Variants in SCGN observed in about 807,000 individuals in gnomAD.
SCGN encodes the protein secretagogin, EF-hand calcium binding protein.
SCGN carries 30 observed loss-of-function variants against 39.7 expected under a neutral mutation model. That is an observed-to-expected ratio of 0.76 (90% CI 0.57 to 1.03). SCGN has a LOEUF of 1.03. SCGN is among the 50% of genes least tolerant of loss of function. The pLI, the probability that SCGN is intolerant of heterozygous loss-of-function variation, is 0.00. For missense variants in SCGN, 353 were observed against 349.4 expected, an observed-to-expected ratio of 1.01 and a Z score of -0.08; for synonymous variants, 106 against 114.1, an observed-to-expected ratio of 0.93 and a Z score of 0.45.
Position 25,684,925 on chromosome 6 carries a change from T to C in SCGN, c.527+2919T>C, listed in dbSNP as rs9461195. Among the ~76,000 whole-genome samples the C allele has an allele frequency of 2.5e-3, 375 of 150,986 alleles. 2 individuals are homozygous for C. The highest frequency in any genetic ancestry group is 8.4e-3 in the African/African-American group (340 of 40,344). ...AGATCTAATTAAGTTTGCTAATCAA[T>C]AGACTTTAAAATAGAGATTATTCTG... On this transcript the variant is annotated intron_variant, in intron 7 of 10. Transcript: ENST00000377961.
At chr6:25,689,368 A>C in intron 8 of SCGN, 105 bp from the exon 9 acceptor site, 1 of 1,205,960 alleles carries the variant, frequency 8.3e-7, no homozygotes, top group Non-Finnish European at 1.2e-6. Flanking sequence ...AGGGATCTTA[A>C]AGGTCATTGA....
At chr6:25,685,688 CA>C (rs1759695745) in intron 7 of SCGN, among the ~76,000 whole-genome samples, 1 of 152,010 alleles carries the variant, frequency 6.6e-6, no homozygotes, top group Admixed American at 6.6e-5. Context: ...AAGAGGCAGA[CA>C]TATTTGCTTT....
intron 7 of SCGN, among the ~76,000 whole-genome samples, chr6:25,688,913 T>C (rs1281529134): frequency 6.6e-6 from 1 of 152,164 alleles, no homozygotes; most frequent in Non-Finnish European, 1.5e-5. Flanking sequence ...TCCAGTTTTA[T>C]GGAGGAGCGA....
rs769675702 is a variant in SCGN at position 25,669,529 on chromosome 6, G to A, written c.355G>A (p.Ala119Thr). The A allele has an allele frequency of 1.9e-6, 3 of 1,613,516 alleles. No homozygotes were observed. Among genetic ancestry groups the A allele is most frequent in the Non-Finnish European group, 1.7e-6 (2 of 1,179,566 alleles). ...EFMQIWRKYDADSSGFISAAE... is the reference protein window; with the variant it reads ...EFMQIWRKYDTDSSGFISAAE... ...ATTTCAGATTTGGCGCAAATATGAC[G>A]CTGACAGCAGTGGCTTTATATCAGC... is the stretch of plus-strand genomic sequence containing the variant. The change falls in exon 5 of 11, where the codon GCT becomes ACT. Residue 119 changes from alanine (A) to threonine (T), a missense_variant. Coordinates refer to ENST00000377961, the MANE Select transcript of SCGN (RefSeq NM_006998.4).
rs756848200 is a variant in SCGN, at chr6:25,670,008, C to T, written c.403C>T (p.Arg135Ter). The change falls in exon 6 of 11, where the codon CGA becomes TGA. Residue 135 changes from arginine to a stop codon, truncating the protein, a stop_gained. Coordinates refer to ENST00000377961, the MANE Select transcript of SCGN (RefSeq NM_006998.4). LOFTEE classifies it high-confidence loss of function. ...TCTCTTGGCGCCACAGAACTTCCTC[C>T]GAGACCTCTTTCTTCACCACAAAAA... Reference protein sequence around the residue: ...ISAAELRNFLRDLFLHHKKAI... With the variant: ...ISAAELRNFL The T allele has an allele frequency of 1.4e-5, 23 of 1,613,344 alleles. No homozygotes were observed. The highest frequency in any genetic ancestry group is 1.3e-4 in the African/African-American group (10 of 74,886).
chr6:25,678,113 T>C (rs985146509), intron 6 of SCGN, among the ~76,000 whole-genome samples: 3 of 152,174 alleles, frequency 2.0e-5, no homozygotes, highest in Non-Finnish European at 4.4e-5. Flanking sequence ...AATAAGACAT[T>C]GTGTTCCATT....
At chr6:25,700,593 C>A (rs950462333) in intron 10 of SCGN, among the ~76,000 whole-genome samples, 3 of 152,164 alleles carry the variant, frequency 2.0e-5, no homozygotes, top group African/African-American at 7.2e-5. Flanking sequence ...TATTGTGAAG[C>A]TTACATGAAA....
chr6:25,653,580 C>A, intron 2 of SCGN, 128 bp downstream of exon 2: 1 of 674,544 alleles, frequency 1.5e-6, no homozygotes, highest in Non-Finnish European at 2.5e-6. Flanking sequence ...GTAATTTCTC[C>A]CCCTCTCCTA....
Position 25,689,188 on chromosome 6 carries a change from G to A in SCGN, c.544G>A (p.Glu182Lys), listed in dbSNP as rs1370951732. 3.1e-6 allele frequency: 5 copies of A among 1,594,802 alleles called. No individual in the cohort carries two copies. In the African/African-American group the frequency reaches 4.1e-5, roughly 13 times the overall value. The part of the protein sequence containing the change: ...NDLARILALQ[E>K]NFLLQFKMDA... ...TCTATTTAGGATTCTGGCTCTTCAG[G>A]AAAACTTCCTTCTCCAATTTAAAAT... is the stretch of plus-strand genomic sequence containing the variant. Residue 182 changes from glutamate (E) to lysine (K), a missense_variant, in exon 8 of 11, where the codon GAA becomes AAA. Physicochemically the swap from Glu to Lys is moderately conservative, Grantham distance 56 (BLOSUM62 1). Coordinates refer to ENST00000377961, the MANE Select transcript of SCGN (RefSeq NM_006998.4).
At chr6:25,681,485 TAGTTTTCCTCTTAAG>T (rs1759636355) in intron 6 of SCGN, among the ~76,000 whole-genome samples, 1 of 152,240 alleles carries the variant, frequency 6.6e-6, no homozygotes, top group Admixed American at 6.5e-5. Flanking sequence ...TCCAAATAAT[TAGTTTTCCTCTTAAG>T]CACATGGCAG....
At chr6:25,686,315 C>A (rs1169268878) in intron 7 of SCGN, among the ~76,000 whole-genome samples, 3 of 152,156 alleles carry the variant, frequency 2.0e-5, no homozygotes, top group Non-Finnish European at 4.4e-5. Context: ...AGTGGCTGCA[C>A]CATTTTACAT....
chr6:25,674,477 T>C (rs1759540366), intron 6 of SCGN, among the ~76,000 whole-genome samples: 1 of 152,236 alleles, frequency 6.6e-6, no homozygotes, highest in African/African-American at 2.4e-5. Context: ...AGAAAATGAC[T>C]TCTGCATCCT....
chr6:25,667,624 C>CTTTGTTCGCCATTGTTGT (rs1491151382), intron 4 of SCGN, among the ~76,000 whole-genome samples: 96 of 152,286 alleles, frequency 6.3e-4, no homozygotes, highest in African/African-American at 2.1e-3. Flanking sequence ...CATATTGCTA[C>CTTTGTTCGCCATTGTTGT]CATTGTCTTT....
intron 5 of SCGN, 84 bp downstream of exon 5, chr6:25,669,651 C>G (rs1453580176): frequency 2.7e-6 from 3 of 1,119,198 alleles, no homozygotes; most frequent in Non-Finnish European, 4.1e-6. Flanking sequence ...TCTGTGGGCC[C>G]AAGAAAGATG....
intron 6 of SCGN, among the ~76,000 whole-genome samples, chr6:25,673,930 A>T (rs1759533215): frequency 6.6e-6 from 1 of 152,198 alleles, no homozygotes; most frequent in African/African-American, 2.4e-5. Flanking sequence ...CTTATGGTAG[A>T]CAGTGAAGCA....
intron 10 of SCGN, among the ~76,000 whole-genome samples, chr6:25,695,213 G>T (rs9379779): frequency 0.27 from 40,686 of 151,928 alleles, 6,598 homozygotes; most frequent in East Asian, 0.67. Flanking sequence ...GAATAAACAT[G>T]ATTTCTTTTT....
At chr6:25,655,413 G>A (rs1760209894) in intron 2 of SCGN, among the ~76,000 whole-genome samples, 1 of 152,196 alleles carries the variant, frequency 6.6e-6, no homozygotes, top group Admixed American at 6.5e-5. Context: ...TTGCCATTGT[G>A]AGAGAAAAGA....
chr6:25,681,108 T>C (rs1429544954), intron 6 of SCGN, among the ~76,000 whole-genome samples: 1 of 152,248 alleles, frequency 6.6e-6, no homozygotes, highest in Admixed American at 6.5e-5. Context: ...CAAACCAATC[T>C]GGTCTTTCTA....
At chr6:25,655,235 T>C (rs527237918) in intron 2 of SCGN, among the ~76,000 whole-genome samples, 1 of 152,210 alleles carries the variant, frequency 6.6e-6, no homozygotes, top group Admixed American at 6.5e-5. Flanking sequence ...ACTTCTCACC[T>C]TTTCAGAGGG....
Sources: gnomAD v4.1 joint callset for allele counts (sites outside exome capture counted in the v4.1 genomes callset) on GRCh38, gnomAD v4.1.1 for gene constraint, MANE v1.5 for transcripts, NCBI Gene and HGNC (gene_info 2026-07-23, HGNC 2026-07-21) for gene names.